Variants in CACHD1 observed in about 807,000 individuals in gnomAD.
The protein encoded by CACHD1 is VWFA and cache domain-containing protein 1.
Under a neutral mutation model 138.7 loss-of-function variants are expected in CACHD1, and 71 were observed. The observed-to-expected ratio is 0.51, with a 90% CI of 0.42 to 0.62. CACHD1 has a LOEUF of 0.62. Ranked by LOEUF, CACHD1 falls within the 20% of genes least tolerant of loss-of-function variation. The pLI is 0.00. For missense variants in CACHD1, 1,389 were observed against 1,625.3 expected, an observed-to-expected ratio of 0.85 and a Z score of 2.50; for synonymous variants, 578 against 591.5, an observed-to-expected ratio of 0.98 and a Z score of 0.33.
chr1:64,562,353 A>AT (rs56101222), intron 2 of CACHD1, among the ~76,000 whole-genome samples: 120,364 of 148,514 alleles, frequency 0.81, 50,893 homozygotes, highest in South Asian at 0.94. Flanking sequence ...CTCTTTTTAA[A>AT]TTTTTTTTCT....
chr1:64,521,508 T>C (rs2100376275), intron 1 of CACHD1, among the ~76,000 whole-genome samples: 1 of 152,366 alleles, frequency 6.6e-6, no homozygotes, highest in East Asian at 1.9e-4. Flanking sequence ...TAGTTTAATA[T>C]CTTCAAGCTT....
chr1:64,484,843 G>A (rs1315352608), intron 1 of CACHD1, among the ~76,000 whole-genome samples: 1 of 152,240 alleles, frequency 6.6e-6, no homozygotes, highest in African/African-American at 2.4e-5. Context: ...ATTCCATTGT[G>A]TATATGTGCC....
intron 3 of CACHD1, among the ~76,000 whole-genome samples, chr1:64,600,961 C>T (rs1647207444): frequency 6.6e-6 from 1 of 152,176 alleles, no homozygotes; most frequent in South Asian, 2.1e-4. Flanking sequence ...GTTATGCTAG[C>T]CACATTTCAA....
At chr1:64,540,993 T>C (rs1383014716) in intron 1 of CACHD1, among the ~76,000 whole-genome samples, 2 of 152,226 alleles carry the variant, frequency 1.3e-5, no homozygotes, top group African/African-American at 2.4e-5. Context: ...TGTGTGTGTG[T>C]GTGTGCACGC....
intron 26 of CACHD1, among the ~76,000 whole-genome samples, chr1:64,683,044 C>T (rs1008822333): frequency 2.6e-5 from 4 of 151,726 alleles, no homozygotes; most frequent in Non-Finnish European, 4.4e-5. Flanking sequence ...AAAAAAAGTC[C>T]TCAAACCTTG....
chr1:64,535,139 G>A (rs1646621376), intron 1 of CACHD1, among the ~76,000 whole-genome samples: 1 of 152,114 alleles, frequency 6.6e-6, no homozygotes, highest in African/African-American at 2.4e-5. Flanking sequence ...GAACTTGGTG[G>A]ACACAAGTAG....
At chr1:64,629,322 G>C in intron 4 of CACHD1, 33 bp from the exon 5 acceptor site, 3 of 1,609,844 alleles carry the variant, frequency 1.9e-6, no homozygotes, top group Non-Finnish European at 2.5e-6. Context: ...CTGTGGATTT[G>C]GTGGTTATAT....
intron 26 of CACHD1, among the ~76,000 whole-genome samples, chr1:64,683,118 A>G (rs112804673): frequency 3.7e-4 from 56 of 152,306 alleles, no homozygotes; most frequent in African/African-American, 1.3e-3. Context: ...CAACGTCACC[A>G]TTTACACTAC....
chr1:64,479,881 G>A (rs1215264975), intron 1 of CACHD1, among the ~76,000 whole-genome samples: 1 of 152,212 alleles, frequency 6.6e-6, no homozygotes, highest in Admixed American at 6.5e-5. Flanking sequence ...TTTGGAGGTG[G>A]TGTGCTCTGA....
chr1:64,493,715 G>T (rs928076772), intron 1 of CACHD1, among the ~76,000 whole-genome samples: 3 of 152,134 alleles, frequency 2.0e-5, no homozygotes, highest in African/African-American at 7.2e-5. Flanking sequence ...CAAGAAGAGT[G>T]GAGGCCCCCT....
Position 64,653,161 on chromosome 1 carries a change from T to C in CACHD1, c.1541-597T>C, listed in dbSNP as rs185473650. Among the ~76,000 whole-genome samples the C allele has an allele frequency of 2.6e-5, 4 of 152,186 alleles. No individual in the cohort carries two copies. In the East Asian group the frequency reaches 5.8e-4, roughly 22 times the overall value. On this transcript the variant is annotated intron_variant, in intron 10 of 26. Transcript: ENST00000651257. ...AACAGATACTGCATGTTCTCACTTATAAGTGGGAGCTAAATGATGAGAACA... is the reference window on the plus strand; with the variant it reads ...AACAGATACTGCATGTTCTCACTTACAAGTGGGAGCTAAATGATGAGAACA...
intron 7 of CACHD1, among the ~76,000 whole-genome samples, chr1:64,639,994 C>A (rs576114793): frequency 2.2e-4 from 33 of 152,326 alleles, no homozygotes; most frequent in Middle Eastern, 6.8e-3. Context: ...GCAGGATCTT[C>A]AGTTCCAGGG....
intron 1 of CACHD1, among the ~76,000 whole-genome samples, chr1:64,516,050 A>G (rs1257029633): frequency 3.3e-5 from 5 of 152,214 alleles, no homozygotes; most frequent in Non-Finnish European, 5.9e-5. Flanking sequence ...AAATATCTGA[A>G]AAAAATATTT....
intron 1 of CACHD1, among the ~76,000 whole-genome samples, chr1:64,473,843 T>G (rs1335630089): frequency 6.6e-6 from 1 of 152,206 alleles, no homozygotes; most frequent in Non-Finnish European, 1.5e-5. Context: ...GCCTGTTGTT[T>G]TGCAGCATTT....
chr1:64,510,221 T>C (rs1557468252), intron 1 of CACHD1, among the ~76,000 whole-genome samples: 1 of 152,194 alleles, frequency 6.6e-6, no homozygotes, highest in South Asian at 2.1e-4. Context: ...GTAGAGTTGC[T>C]CCAACAGCAT....
intron 1 of CACHD1, among the ~76,000 whole-genome samples, chr1:64,536,278 T>C (rs1646632061): frequency 6.6e-6 from 1 of 152,182 alleles, no homozygotes; most frequent in Admixed American, 6.5e-5. Context: ...TGCCTTCAAC[T>C]CTAGAGTAAA....
intron 2 of CACHD1, among the ~76,000 whole-genome samples, chr1:64,565,329 G>C (rs1210119178): frequency 6.6e-6 from 1 of 152,026 alleles, no homozygotes; most frequent in Non-Finnish European, 1.5e-5. Context: ...TTGAATGAAT[G>C]AATGGAAGGC....
At chr1:64,603,050 A>C in intron 4 of CACHD1, 138 bp downstream of exon 4, 1 of 535,938 alleles carries the variant, frequency 1.9e-6, no homozygotes, top group Non-Finnish European at 3.3e-6. Flanking sequence ...CTTGCTGGAA[A>C]GTTAACCCTC....
At chr1:64,640,692 G>GACACACAC (rs35423621) in intron 7 of CACHD1, among the ~76,000 whole-genome samples, 1 of 143,798 alleles carries the variant, frequency 7.0e-6, no homozygotes, top group African/African-American at 2.6e-5. Flanking sequence ...TATATATACA[G>GACACACAC]ACACACACAC....
Sources: gnomAD v4.1 joint callset for allele counts (sites outside exome capture counted in the v4.1 genomes callset) on GRCh38, gnomAD v4.1.1 for gene constraint, MANE v1.5 for transcripts, NCBI Gene and HGNC (gene_info 2026-07-23, HGNC 2026-07-21) for gene names.